The following EXT1 variants were observed in gnomAD, a reference collection of about 807,000 sequenced individuals.
EXT1 encodes the protein exostosin glycosyltransferase 1, also known as exostosin-1.
In EXT1, 20 loss-of-function variants were observed where a neutral mutation model predicts 82.5. The ratio of observed to expected loss-of-function variants is 0.24; its 90% confidence interval spans 0.17 to 0.35. EXT1 has a LOEUF of 0.35. EXT1 is among the 10% of genes least tolerant of loss of function. The probability of loss-of-function intolerance (pLI) is 1.00; values close to 1 mark genes in which losing one functional copy is unlikely to be tolerated. For missense variants in EXT1, 757 were observed against 936.5 expected (o/e 0.81, Z 2.50); for synonymous variants, 348 against 350.8 (o/e 0.99, Z 0.09).
intron 1 of EXT1, among the ~76,000 whole-genome samples, chr8:118,045,841 G>C (rs1352963128): frequency 6.6e-6 from 1 of 151,590 alleles, no homozygotes; most frequent in Non-Finnish European, 1.5e-5. Context: ...CATCACCCAG[G>C]CTGGAGTGCA....
chr8:117,838,835 T>A (rs1316558634), intron 1 of EXT1, among the ~76,000 whole-genome samples: 1 of 152,098 alleles, frequency 6.6e-6, no homozygotes, highest in Non-Finnish European at 1.5e-5. Context: ...TTTTTTTTAA[T>A]ACAGAAAGGT....
intron 1 of EXT1, among the ~76,000 whole-genome samples, chr8:117,923,052 C>A (rs531440362): frequency 2.6e-5 from 4 of 151,764 alleles, no homozygotes; most frequent in African/African-American, 9.7e-5. Flanking sequence ...CTGCCAGGCA[C>A]GGTGGCTTGT....
chr8:117,864,341 G>A (rs1170736247), intron 1 of EXT1, among the ~76,000 whole-genome samples: 1 of 152,092 alleles, frequency 6.6e-6, no homozygotes, highest in Non-Finnish European at 1.5e-5. Context: ...CCTTTTTTGG[G>A]AACAGTCTAG....
chr8:117,880,934 G>A (rs367724144), intron 1 of EXT1, among the ~76,000 whole-genome samples: 6 of 151,990 alleles, frequency 3.9e-5, no homozygotes, highest in Non-Finnish European at 7.4e-5. Context: ...TGGGTTTATC[G>A]ACCTATTAAC....
intron 1 of EXT1, among the ~76,000 whole-genome samples, chr8:117,922,364 T>C (rs556018312): frequency 6.6e-6 from 1 of 151,880 alleles, no homozygotes; most frequent in Admixed American, 6.6e-5. Flanking sequence ...TCCCAAGGAG[T>C]TGACAATGTG....
At chr8:117,800,487 C>G (rs368997743) in intron 10 of EXT1, among the ~76,000 whole-genome samples, 1 of 152,166 alleles carries the variant, frequency 6.6e-6, no homozygotes, top group Non-Finnish European at 1.5e-5. Flanking sequence ...GCTAGTGTTA[C>G]GCAGCATCTA....
At chr8:117,820,881 A>C (rs1319196548) in intron 5 of EXT1, among the ~76,000 whole-genome samples, 1 of 152,142 alleles carries the variant, frequency 6.6e-6, no homozygotes, top group Non-Finnish European at 1.5e-5. Flanking sequence ...TGAGAAAAAA[A>C]GTATGTGAGG....
intron 1 of EXT1, among the ~76,000 whole-genome samples, chr8:117,930,290 A>G (rs1814032210): frequency 6.6e-6 from 1 of 152,152 alleles, no homozygotes; most frequent in Admixed American, 6.5e-5. Flanking sequence ...AAATGTGGGG[A>G]GCGGAAGGGT....
chr8:117,926,771 C>T (rs1443391014), intron 1 of EXT1, among the ~76,000 whole-genome samples: 1 of 152,152 alleles, frequency 6.6e-6, no homozygotes, highest in Non-Finnish European at 1.5e-5. Context: ...ATATAAAAGG[C>T]TTTGCCTATA....
intron 1 of EXT1, among the ~76,000 whole-genome samples, chr8:117,922,089 T>C (rs1045687996): frequency 1.3e-5 from 2 of 151,946 alleles, no homozygotes; most frequent in Non-Finnish European, 1.5e-5. Flanking sequence ...CAGGAGATAA[T>C]CCACTTTGGT....
intron 1 of EXT1, among the ~76,000 whole-genome samples, chr8:118,043,964 G>A (rs1375149503): frequency 2.6e-5 from 4 of 152,136 alleles, no homozygotes; most frequent in Non-Finnish European, 5.9e-5. Context: ...CTCTTTTTAA[G>A]TCTATTAAAA....
chr8:117,830,341 A>G lies in EXT1; in HGVS notation c.1173T>C (p.Ser391=). ...TATCCTGATGAATAGACCTGATTGT[A>G]GAAGGAATCTGTAACACAAGGTGAA... ...GDERLLLQIP[S]TIRSIHQDKI... is the part of the protein sequence containing the mutation. The change falls in exon 4 of 11, where the codon TCT becomes TCC. Residue 391 remains serine, a synonymous_variant. Transcript: ENST00000378204. 1 of 1,614,058 alleles carries G rather than the reference A, an allele frequency of 6.2e-7. No homozygotes were observed. Among genetic ancestry groups the G allele is most frequent in the South Asian group, 1.1e-5 (1 of 91,082 alleles).
chr8:117,844,850 A>G (rs1042980844), intron 1 of EXT1, among the ~76,000 whole-genome samples: 3 of 151,996 alleles, frequency 2.0e-5, no homozygotes, highest in Non-Finnish European at 2.9e-5. Context: ...GGCACTCGCT[A>G]TTTGGAGGTG....
At chr8:118,017,783 C>T (rs972530653) in intron 1 of EXT1, among the ~76,000 whole-genome samples, 2 of 152,100 alleles carry the variant, frequency 1.3e-5, no homozygotes, top group African/African-American at 2.4e-5. Context: ...TGTTTCCAAC[C>T]GTAATTGGCT....
chr8:118,041,717 G>GGAAGGAAT (rs1816534415), intron 1 of EXT1, among the ~76,000 whole-genome samples: 1 of 146,090 alleles, frequency 6.8e-6, no homozygotes. Flanking sequence ...AAGGAAGGAA[G>GGAAGGAAT]GAAAAAGAAA....
intron 1 of EXT1, among the ~76,000 whole-genome samples, chr8:117,968,950 C>G (rs1033039796): frequency 6.6e-6 from 1 of 152,102 alleles, no homozygotes; most frequent in Non-Finnish European, 1.5e-5. Context: ...GATGTCCAAA[C>G]TGTTTATTAA....
intron 1 of EXT1, among the ~76,000 whole-genome samples, chr8:118,025,267 G>T (rs1816182111): frequency 6.6e-6 from 1 of 152,166 alleles, no homozygotes; most frequent in Admixed American, 6.5e-5. Context: ...CTGGCTCACC[G>T]CTGTGGGCTT....
intron 1 of EXT1, among the ~76,000 whole-genome samples, chr8:117,860,010 G>C (rs1299581522): frequency 1.3e-5 from 2 of 151,988 alleles, no homozygotes; most frequent in Non-Finnish European, 1.5e-5. Context: ...AGCCGGATAT[G>C]GTGGTGGGCA....
At chr8:118,032,535 A>G (rs17476518) in intron 1 of EXT1, among the ~76,000 whole-genome samples, 2,121 of 143,410 alleles carry the variant, frequency 0.015, 49 homozygotes, top group African/African-American at 0.053. Flanking sequence ...TTTGAGACAG[A>G]GTTTCGCTCT....
Sources: allele counts gnomAD v4.1 joint callset (sites outside exome capture counted in the v4.1 genomes callset), GRCh38; gene constraint gnomAD v4.1.1; transcripts MANE v1.5; gene names NCBI Gene and HGNC (gene_info 2026-07-23, HGNC 2026-07-21).